Variants in PDE4C observed in about 807,000 individuals in gnomAD.
The protein encoded by PDE4C is 3',5'-cyclic-AMP phosphodiesterase 4C.
PDE4C carries 50 observed loss-of-function variants against 63.9 expected under a neutral mutation model. That is an observed-to-expected ratio of 0.78 (90% CI 0.62 to 0.99). The LOEUF is 0.99. PDE4C is among the 50% of genes least tolerant of loss of function. The probability of loss-of-function intolerance (pLI) is 0.00; values close to 1 mark genes in which losing one functional copy is unlikely to be tolerated. For missense variants in PDE4C, 777 were observed against 899.1 expected, an observed-to-expected ratio of 0.86 and a Z score of 1.74; for synonymous variants, 377 against 385.1, an observed-to-expected ratio of 0.98 and a Z score of 0.25.
intron 1 of PDE4C, among the ~76,000 whole-genome samples, chr19:18,242,016 C>T (rs1174108444): frequency 2.0e-5 from 3 of 152,188 alleles, no homozygotes; most frequent in Non-Finnish European, 2.9e-5. Flanking sequence ...GAGTGGATCA[C>T]ATTGCTGGGG....
intron 1 of PDE4C, among the ~76,000 whole-genome samples, chr19:18,243,901 C>A (rs1214572611): frequency 6.6e-6 from 1 of 152,198 alleles, no homozygotes; most frequent in African/African-American, 2.4e-5. Flanking sequence ...GTTGCCCAGG[C>A]TGGAGTGCAG....
At chr19:18,214,378 G>A (rs1291536846) in intron 12 of PDE4C, among the ~76,000 whole-genome samples, 9 of 152,168 alleles carry the variant, frequency 5.9e-5, no homozygotes, top group Admixed American at 5.9e-4. Context: ...GGACAGTGGG[G>A]AGGATGAGTT....
At chr19:18,211,313 GT>G in intron 14 of PDE4C, 37 bp from the exon 15 acceptor site, 1 of 1,515,308 alleles carries the variant, frequency 6.6e-7, no homozygotes, top group South Asian at 1.3e-5. Flanking sequence ...CATTTGGTGA[GT>G]TACAGTGAAC....
intron 13 of PDE4C, among the ~76,000 whole-genome samples, chr19:18,213,020 G>A (rs996179816): frequency 7.5e-5 from 11 of 146,890 alleles, no homozygotes; most frequent in African/African-American, 2.0e-4. Flanking sequence ...CCGGCCGGGC[G>A]CGGTGGCTCA....
chr19:18,208,427 G>A (rs985078982), downstream of PDE4C: 6 of 152,322 alleles, frequency 3.9e-5, no homozygotes, highest in African/African-American at 1.4e-4. Context: ...CCGGCGAGGT[G>A]CGGTAAGTGG....
chr19:18,222,194 T>C, exon 2 of PDE4C: 3 of 1,614,136 alleles, frequency 1.9e-6, no homozygotes, highest in Non-Finnish European at 2.5e-6. Flanking sequence ...AGTCGCTATC[T>C]GAGCGGTACA....
At chr19:18,246,735 C>T (rs541549528) in intron 1 of PDE4C, among the ~76,000 whole-genome samples, 1 of 152,024 alleles carries the variant, frequency 6.6e-6, no homozygotes, top group Non-Finnish European at 1.5e-5. Flanking sequence ...CAAGACCAGC[C>T]TGGCCAACAT....
Position 18,224,521 on chromosome 19 carries a change from G to C in PDE4C, c.146+1749C>G, listed in dbSNP as rs534477141. ...GGACTTGGTCACGAAGAGTTTGTTC[G>C]ATGAGTTCGGGAGAATTCGGCTACG... On this transcript the variant is annotated intron_variant, in intron 1 of 14. Coordinates refer to ENST00000262805, the Ensembl canonical transcript of PDE4C. 5 of 985,448 alleles carry C rather than the reference G, an allele frequency of 5.1e-6. No individual in the cohort carries two copies. The East Asian group carries it at 5.7e-4, about 112-fold the overall frequency. The allele number at this position is 985,448 out of a possible 1,614,324, so 61.0% of individuals were successfully genotyped here. A position where few individuals can be genotyped will look rare whatever the true frequency, so the allele number is the denominator to read the frequency against.
At position 18,224,780 on chromosome 19, in the gene PDE4C, C is replaced by T. The variant is rs540524071; in HGVS notation, c.146+1490G>A. On this transcript the variant is annotated intron_variant, in intron 1 of 14. Coordinates refer to ENST00000262805, the Ensembl canonical transcript of PDE4C. ...CACCGGGATGAACCCCACGGCCAGC[C>T]GAAGGGGCGGGGCTTCTTAACCCTT... Among the ~76,000 whole-genome samples the T allele has an allele frequency of 2.4e-4, 36 of 152,364 alleles. 1 individual carries two copies. The South Asian group carries it at 7.0e-3, about 30-fold the overall frequency.
chr19:18,233,043 G>A (rs770013445), exon 1 of PDE4C: 25 of 1,561,684 alleles, frequency 1.6e-5, no homozygotes, highest in Non-Finnish European at 2.0e-5. Context: ...GGACTTGTCC[G>A]GATCCGAATA....
In PDE4C at chr19:18,222,094, G is replaced by A. The variant is rs1354004845; in HGVS notation, c.338+38C>T. 2.6e-6 allele frequency: 4 copies of A among 1,541,374 alleles called. No homozygotes were observed. In the Admixed American group the frequency reaches 7.0e-5, roughly 27 times the overall value. Reference sequence around the variant, plus strand: ...AATAGAGGAACAAAGGAAGGAGGGAGGGTAGAGGCGGTGTCATCCCACCAG... The same window carrying A: ...AATAGAGGAACAAAGGAAGGAGGGAAGGTAGAGGCGGTGTCATCCCACCAG... On this transcript the variant is annotated intron_variant, in intron 2 of 14. Coordinates refer to ENST00000262805, the Ensembl canonical transcript of PDE4C.
At chr19:18,221,321 G>A (rs1049488311) in intron 2 of PDE4C, 24 bp from the exon 3 acceptor site, 1 of 1,538,494 alleles carries the variant, frequency 6.5e-7, no homozygotes, top group Non-Finnish European at 8.7e-7. Context: ...GGCCATCAGG[G>A]AGAGCTCTCT....
chr19:18,225,153 CG>C (rs1968672659), intron 1 of PDE4C, among the ~76,000 whole-genome samples: 1 of 152,066 alleles, frequency 6.6e-6, no homozygotes, highest in Admixed American at 6.5e-5. Context: ...ATGACGCGGG[CG>C]GTGCGGGGGT....
rs1035976381 is a variant in PDE4C at position 18,219,152 on chromosome 19, G to A, written c.870+82C>T. The A allele has an allele frequency of 2.3e-5, 37 of 1,586,692 alleles. No individual in the cohort carries two copies. The East Asian group carries it at 3.8e-4, about 16-fold the overall frequency. On this transcript the variant is annotated intron_variant, in intron 8 of 14. Transcript: ENST00000262805. ...TGAGCCCCAACTGCCCAGTATATAGGTGGGCAAACAGGCCCGAGATAGGGC... is the reference window on the plus strand; with the variant it reads ...TGAGCCCCAACTGCCCAGTATATAGATGGGCAAACAGGCCCGAGATAGGGC...
upstream of PDE4C, among the ~76,000 whole-genome samples, chr19:18,249,577 A>AC (rs761987995): frequency 7.2e-6 from 1 of 139,838 alleles, no homozygotes; most frequent in Non-Finnish European, 1.5e-5. Context: ...GCCTGGCCCT[A>AC]TTTTTTTTTT....
intron 1 of PDE4C, chr19:18,225,879 G>A (rs1180110964): frequency 5.4e-6 from 1 of 185,550 alleles, no homozygotes; most frequent in African/African-American, 2.4e-5. Context: ...ACCAAGGGAA[G>A]GAGTGCCCCT....
At chr19:18,215,545 C>G (rs1968152323) in intron 12 of PDE4C, among the ~76,000 whole-genome samples, 1 of 151,276 alleles carries the variant, frequency 6.6e-6, no homozygotes, top group African/African-American at 2.4e-5. Context: ...GAGACAGAGT[C>G]TTGCTCTGTT....
At chr19:18,218,340 G>A in exon 10 of PDE4C, 1 of 1,614,240 alleles carries the variant, frequency 6.2e-7, no homozygotes, top group East Asian at 2.2e-5. Context: ...GTACCTCGAG[G>A]GCGGGCGTAG....
At chr19:18,250,178 C>A, upstream of PDE4C, 1 of 398,754 alleles carries the variant, frequency 2.5e-6, no homozygotes, top group South Asian at 1.3e-4. Context: ...TCACGGATCC[C>A]TGAGGAAGGA....
Sources: gnomAD v4.1 joint callset for allele counts (sites outside exome capture counted in the v4.1 genomes callset) on GRCh38, gnomAD v4.1.1 for gene constraint, MANE v1.5 for transcripts, NCBI Gene and HGNC (gene_info 2026-07-23, HGNC 2026-07-21) for gene names.